The following PDE7B variants were observed in gnomAD, a reference collection of about 807,000 sequenced individuals.
PDE7B encodes the protein 3',5'-cyclic-AMP phosphodiesterase 7B.
In PDE7B, 29 loss-of-function variants were observed where a neutral mutation model predicts 56.2. That is an observed-to-expected ratio of 0.52 (90% CI 0.38 to 0.70). PDE7B has a LOEUF of 0.70. Among genes scored for constraint, PDE7B ranks in the 30% least tolerant of loss-of-function variants. PDE7B has a pLI of 0.00. For missense variants in PDE7B, 490 were observed against 565.0 expected (o/e 0.87, Z 1.35); for synonymous variants, 197 against 196.9 (o/e 1.00, Z 0.00).
intron 1 of PDE7B, among the ~76,000 whole-genome samples, chr6:135,918,120 C>T (rs1302773521): frequency 6.6e-6 from 1 of 152,204 alleles, no homozygotes; most frequent in East Asian, 1.9e-4. Context: ...TCTCTTCTCT[C>T]TGGGTGGCTG....
intron 1 of PDE7B, among the ~76,000 whole-genome samples, chr6:135,926,006 T>C (rs542601458): frequency 1.3e-5 from 2 of 149,530 alleles, no homozygotes; most frequent in East Asian, 4.0e-4. Flanking sequence ...ATTGGTTATA[T>C]AAGTTTTACA....
chr6:135,935,647 G>A (rs1394213049), intron 1 of PDE7B, among the ~76,000 whole-genome samples: 1 of 152,208 alleles, frequency 6.6e-6, no homozygotes, highest in Non-Finnish European at 1.5e-5. Flanking sequence ...GAACCTTGAA[G>A]AGGTGTCTTT....
chr6:135,929,788 A>G (rs1298214959), intron 1 of PDE7B, among the ~76,000 whole-genome samples: 1 of 152,168 alleles, frequency 6.6e-6, no homozygotes, highest in Non-Finnish European at 1.5e-5. Flanking sequence ...AGAACAGTGG[A>G]GGTTCATGAA....
chr6:135,920,027 G>A (rs1353316051), intron 1 of PDE7B, among the ~76,000 whole-genome samples: 1 of 151,962 alleles, frequency 6.6e-6, no homozygotes, highest in African/African-American at 2.4e-5. Context: ...TAGGTCTCCT[G>A]ACCCTAAAAG....
intron 1 of PDE7B, among the ~76,000 whole-genome samples, chr6:135,866,095 C>T (rs888997080): frequency 1.3e-5 from 2 of 151,994 alleles, no homozygotes; most frequent in African/African-American, 2.4e-5. Flanking sequence ...CTTTAAAAAA[C>T]AAAAGTAGAA....
intron 6 of PDE7B, among the ~76,000 whole-genome samples, chr6:136,152,298 C>G (rs1056855687): frequency 2.0e-4 from 31 of 152,188 alleles, no homozygotes; most frequent in African/African-American, 7.5e-4. Flanking sequence ...TAATTTTAAT[C>G]AGGACATGAG....
Position 135,909,083 on chromosome 6 carries a change from T to C in PDE7B, c.22-38381T>C, listed in dbSNP as rs190296533. ...ATGACAATATTTGAGAATTCAGTTATGTTCCTTAACTTTTAATATAAATGA... is the reference window on the plus strand; with the variant it reads ...ATGACAATATTTGAGAATTCAGTTACGTTCCTTAACTTTTAATATAAATGA... On this transcript the variant is annotated intron_variant, in intron 1 of 12. Transcript: ENST00000308191. Among the ~76,000 whole-genome samples, 833 of 152,348 alleles carry C rather than the reference T, an allele frequency of 5.5e-3. 11 individuals are homozygous for C. Among genetic ancestry groups the C allele is most frequent in the African/African-American group, 0.019 (786 of 41,572 alleles).
At position 135,959,262 on chromosome 6, in the gene PDE7B, A is replaced by T. The variant is rs112632646; in HGVS notation, c.82+11738A>T. 3.8e-3 allele frequency among the ~76,000 whole-genome samples: 577 copies of T among 152,234 alleles called. 2 individuals are homozygous for T. The highest frequency in any genetic ancestry group is 5.7e-3 in the Non-Finnish European group (385 of 68,016). On this transcript the variant is annotated intron_variant, in intron 2 of 12. Transcript: ENST00000308191. ...GAAGTTGGTGAATAGCACCATCCTC[A>T]TTTTTTCAATGATAATCATATACTA...
intron 1 of PDE7B, among the ~76,000 whole-genome samples, chr6:135,937,815 C>T (rs1001611893): frequency 6.6e-6 from 1 of 152,176 alleles, no homozygotes; most frequent in Non-Finnish European, 1.5e-5. Context: ...CCAGGGCTCT[C>T]CATCATGGGA....
intron 2 of PDE7B, among the ~76,000 whole-genome samples, chr6:136,108,354 T>A (rs1777686541): frequency 6.6e-6 from 1 of 152,078 alleles, no homozygotes; most frequent in Non-Finnish European, 1.5e-5. Flanking sequence ...AAAATTATAG[T>A]CTGGGTGATT....
rs543022820 is a variant in PDE7B at position 135,940,596 on chromosome 6, C to T, written c.22-6868C>T. On this transcript the variant is annotated intron_variant, in intron 1 of 12. Coordinates refer to ENST00000308191, the MANE Select transcript of PDE7B (RefSeq NM_018945.4). ...TTTTATGCTCTACAGACCTAAACTA[C>T]TTTCTCTCCAGGCCTATCTTCTAGG... 1.2e-4 allele frequency among the ~76,000 whole-genome samples: 19 copies of T among 152,336 alleles called. No homozygotes were observed. The South Asian group carries it at 3.7e-3, about 30-fold the overall frequency.
intron 2 of PDE7B, among the ~76,000 whole-genome samples, chr6:135,961,327 T>C (rs1481107517): frequency 1.4e-5 from 2 of 145,374 alleles, no homozygotes; most frequent in Non-Finnish European, 3.0e-5. Flanking sequence ...TTCAGCTTTA[T>C]TCTGCCAAAA....
chr6:135,860,395 A>T (rs1276239835), intron 1 of PDE7B, among the ~76,000 whole-genome samples: 1 of 152,076 alleles, frequency 6.6e-6, no homozygotes, highest in Non-Finnish European at 1.5e-5. Flanking sequence ...ATTTTTATAC[A>T]AAAGTTCAAA....
chr6:135,853,776 G>A (rs1774977098), intron 1 of PDE7B, among the ~76,000 whole-genome samples: 1 of 152,008 alleles, frequency 6.6e-6, no homozygotes, highest in African/African-American at 2.4e-5. Context: ...AGTCTAAGAT[G>A]TGTCAGGGAC....
chr6:136,064,950 A>G (rs1409215601), intron 2 of PDE7B, among the ~76,000 whole-genome samples: 2 of 152,240 alleles, frequency 1.3e-5, no homozygotes, highest in East Asian at 3.9e-4. Context: ...TTGTGAATGA[A>G]TGAATAAACA....
intron 8 of PDE7B, among the ~76,000 whole-genome samples, chr6:136,172,355 C>T (rs890288121): frequency 6.6e-6 from 1 of 152,078 alleles, no homozygotes; most frequent in Non-Finnish European, 1.5e-5. Context: ...TGGTATCTCA[C>T]TGTGGTTTTG....
intron 1 of PDE7B, among the ~76,000 whole-genome samples, chr6:135,884,488 C>T (rs912531045): frequency 3.9e-5 from 6 of 152,134 alleles, no homozygotes; most frequent in Admixed American, 2.0e-4. Context: ...CACAGAAGTC[C>T]TTTCTATGGC....
At chr6:136,162,314 C>A (rs143663849) in intron 8 of PDE7B, 2 of 152,094 alleles carry the variant, frequency 1.3e-5, no homozygotes, top group African/African-American at 4.8e-5. Context: ...GAAGCAAACA[C>A]GTCCTTCTTC....
chr6:135,970,068 T>C (rs191714646), intron 2 of PDE7B, among the ~76,000 whole-genome samples: 55 of 152,272 alleles, frequency 3.6e-4, no homozygotes, highest in Admixed American at 1.6e-3. Flanking sequence ...TAAATATTTA[T>C]TGAGTATCTA....
Sources: gnomAD v4.1 joint callset for allele counts (sites outside exome capture counted in the v4.1 genomes callset) on GRCh38, gnomAD v4.1.1 for gene constraint, MANE v1.5 for transcripts, NCBI Gene and HGNC (gene_info 2026-07-23, HGNC 2026-07-21) for gene names.